Variants in ANO3 observed in about 807,000 individuals in gnomAD.
ANO3 encodes anoctamin 3, also known as anoctamin-3.
A neutral mutation model predicts 144.8 loss-of-function variants in ANO3; 99 were observed. The observed-to-expected ratio is 0.68, with a 90% CI of 0.58 to 0.81. The LOEUF is 0.81. ANO3 is among the 30% of genes least tolerant of loss of function. The pLI, the probability that ANO3 is intolerant of heterozygous loss-of-function variation, is 0.00. For synonymous variants in ANO3, 414 were observed against 392.6 expected (o/e 1.05, Z -0.64); for missense variants, 905 against 1,202.2 (o/e 0.75, Z 3.66).
chr11:26,267,180 G>A (rs556338437), intron 1 of ANO3, among the ~76,000 whole-genome samples: 11 of 150,732 alleles, frequency 7.3e-5, no homozygotes, highest in East Asian at 6.0e-4. Context: ...CTTCACGCAC[G>A]CACGCACACA....
intron 1 of ANO3, among the ~76,000 whole-genome samples, chr11:26,343,579 G>A (rs1590277013): frequency 6.6e-6 from 1 of 152,036 alleles, no homozygotes; most frequent in Admixed American, 6.6e-5. Flanking sequence ...GCAGCTGGTC[G>A]TGCATTTACA....
At chr11:26,351,996 G>A (rs1471743653) in intron 1 of ANO3, among the ~76,000 whole-genome samples, 5 of 152,150 alleles carry the variant, frequency 3.3e-5, no homozygotes, top group African/African-American at 7.2e-5. Context: ...GTGTCCATAC[G>A]AAATAGAAAT....
At chr11:26,198,985 CT>C (rs1412436567) in intron 1 of ANO3, among the ~76,000 whole-genome samples, 2 of 152,128 alleles carry the variant, frequency 1.3e-5, no homozygotes. Context: ...GATGCATGTT[CT>C]AAAGTAGTGG....
chr11:26,315,909 C>T (rs1854615138), intron 1 of ANO3, among the ~76,000 whole-genome samples: 1 of 152,158 alleles, frequency 6.6e-6, no homozygotes, highest in Admixed American at 6.6e-5. Context: ...AAACATAGCC[C>T]TATTAATATT....
rs887625986 is a variant in ANO3 at position 26,565,031 on chromosome 11, T to C, written c.1447+5252T>C. 3 of 894,398 alleles carry C rather than the reference T, an allele frequency of 3.4e-6. No individual in the cohort carries two copies. In the African/African-American group the frequency reaches 5.2e-5, roughly 15 times the overall value. The allele number at this position is 894,398 out of a possible 1,614,324, so 55.4% of individuals were successfully genotyped here. ...TTCTAGTGACTATAATGATCATCCC[T>C]CAAAAGTGAGAAAATCCATGCTATT... is the stretch of plus-strand genomic sequence containing the variant. On this transcript the variant is annotated intron_variant, in intron 14 of 26. Transcript: ENST00000256737.
At chr11:26,393,441 A>G (rs917308749) in intron 1 of ANO3, among the ~76,000 whole-genome samples, 1 of 152,134 alleles carries the variant, frequency 6.6e-6, no homozygotes, top group African/African-American at 2.4e-5. Context: ...AAGAGGGGAA[A>G]GAAATGAATA....
chr11:26,442,230 G>C (rs1429376803), intron 2 of ANO3, 118 bp downstream of exon 2: 1 of 987,284 alleles, frequency 1.0e-6, no homozygotes. Flanking sequence ...AAGGAGGCTG[G>C]CATAGAAAGG....
intron 1 of ANO3, among the ~76,000 whole-genome samples, chr11:26,233,636 T>G (rs1040100179): frequency 6.6e-6 from 1 of 152,176 alleles, no homozygotes; most frequent in Non-Finnish European, 1.5e-5. Context: ...TAAAGACACA[T>G]GCACACATAT....
chr11:26,497,466 C>A (rs912228047), intron 4 of ANO3, among the ~76,000 whole-genome samples: 2 of 151,996 alleles, frequency 1.3e-5, no homozygotes, highest in Non-Finnish European at 2.9e-5. Flanking sequence ...TTTCACCAAC[C>A]ACAATGAGAT....
chr11:26,399,918 A>G (rs900190918), intron 1 of ANO3, among the ~76,000 whole-genome samples: 1 of 151,974 alleles, frequency 6.6e-6, no homozygotes, highest in Non-Finnish European at 1.5e-5. Flanking sequence ...GACTTAAACT[A>G]CCCATATTCT....
chr11:26,421,450 C>G (rs986028828), intron 1 of ANO3, among the ~76,000 whole-genome samples: 1 of 151,964 alleles, frequency 6.6e-6, no homozygotes, highest in African/African-American at 2.4e-5. Context: ...AATTACATAG[C>G]ATCCCCAAGA....
intron 1 of ANO3, among the ~76,000 whole-genome samples, chr11:26,441,360 G>A (rs933774706): frequency 1.3e-5 from 2 of 151,370 alleles, no homozygotes; most frequent in South Asian, 2.1e-4. Context: ...CTTGTGATCC[G>A]CCCGCCTCGG....
At chr11:26,488,772 T>C (rs1860574072) in intron 4 of ANO3, among the ~76,000 whole-genome samples, 1 of 152,166 alleles carries the variant, frequency 6.6e-6, no homozygotes, top group South Asian at 2.1e-4. Context: ...CAGCAACATT[T>C]ATCATGAAGA....
At chr11:26,321,634 T>C (rs540218390) in intron 1 of ANO3, among the ~76,000 whole-genome samples, 84 of 152,194 alleles carry the variant, frequency 5.5e-4, no homozygotes, top group Non-Finnish European at 1.1e-3. Flanking sequence ...TTATGTCTCA[T>C]CTGGCCATGT....
chr11:26,601,723 C>G (rs1156244228), intron 17 of ANO3, among the ~76,000 whole-genome samples: 1 of 152,152 alleles, frequency 6.6e-6, no homozygotes, highest in African/African-American at 2.4e-5. Flanking sequence ...GTAACAAAAT[C>G]AGTACAAACT....
At chr11:26,471,601 C>T (rs902014962) in intron 4 of ANO3, among the ~76,000 whole-genome samples, 2 of 144,886 alleles carry the variant, frequency 1.4e-5, no homozygotes, top group Admixed American at 6.7e-5. Context: ...ACAAATAAAA[C>T]TGCACAAAAG....
At position 26,584,639 on chromosome 11, in the gene ANO3, G is replaced by T. The variant is rs1375873452; in HGVS notation, c.1448-13726G>T. 2.0e-5 allele frequency among the ~76,000 whole-genome samples: 3 copies of T among 152,170 alleles called. No individual in the cohort carries two copies. In the East Asian group the frequency reaches 5.8e-4, roughly 29 times the overall value. ...AAAGACTAAAAAAACTTCAAGTGTA[G>T]TAAAAATCATGTATAAGAACAAGTG... On this transcript the variant is annotated intron_variant, in intron 14 of 26. Transcript: ENST00000256737.
chr11:26,628,531 A>G (rs1470968988), intron 18 of ANO3, among the ~76,000 whole-genome samples: 10 of 152,334 alleles, frequency 6.6e-5, no homozygotes, highest in African/African-American at 2.4e-4. Context: ...AACCAATTCA[A>G]AATGATCCAC....
intron 1 of ANO3, among the ~76,000 whole-genome samples, chr11:26,418,438 T>C (rs939887204): frequency 6.6e-6 from 1 of 152,070 alleles, no homozygotes; most frequent in Non-Finnish European, 1.5e-5. Flanking sequence ...CAGGGTGTAA[T>C]AATGGGTTTG....
Sources: allele counts gnomAD v4.1 joint callset (sites outside exome capture counted in the v4.1 genomes callset), GRCh38; gene constraint gnomAD v4.1.1; transcripts MANE v1.5; gene names NCBI Gene and HGNC (gene_info 2026-07-23, HGNC 2026-07-21).